RABGAP1L: variants seen among roughly 807,000 people sequenced by gnomAD.
RABGAP1L encodes rab GTPase-activating protein 1-like.
In RABGAP1L, 63 loss-of-function variants were observed where a neutral mutation model predicts 137.7. The observed-to-expected ratio is 0.46, with a 90% CI of 0.37 to 0.56. The LOEUF is 0.56. Ranked by LOEUF, RABGAP1L falls within the 20% of genes least tolerant of loss-of-function variation. The pLI is 0.00. For synonymous variants in RABGAP1L, 431 were observed against 433.7 expected (o/e 0.99, Z 0.08); for missense variants, 1,095 against 1,244.0 (o/e 0.88, Z 1.80).
intron 13 of RABGAP1L, among the ~76,000 whole-genome samples, chr1:174,620,531 ACTGCCAGGTACATAACGAAATGAAGG>A (rs1164055877): frequency 2.4e-4 from 37 of 152,262 alleles, no homozygotes; most frequent in African/African-American, 8.7e-4. Context: ...CTCCTGAATG[ACTGCCAGGTACATAACGAAATGAAGG>A]CAGAAATAAA....
intron 13 of RABGAP1L, among the ~76,000 whole-genome samples, chr1:174,444,017 C>T (rs1284870400): frequency 1.3e-5 from 2 of 151,552 alleles, no homozygotes; most frequent in Non-Finnish European, 3.0e-5. Context: ...TCTGGTTTCT[C>T]TGTTCTATTC....
intron 11 of RABGAP1L, among the ~76,000 whole-genome samples, chr1:174,327,294 T>G (rs1003199058): frequency 2.9e-4 from 43 of 146,888 alleles, no homozygotes; most frequent in African/African-American, 1.1e-3. Context: ...AAGATGTAAA[T>G]TATGTATATA....
chr1:174,194,973 T>G (rs550832109), intron 1 of RABGAP1L, among the ~76,000 whole-genome samples: 1 of 152,358 alleles, frequency 6.6e-6, no homozygotes, highest in Non-Finnish European at 1.5e-5. Flanking sequence ...CTTTATAAAC[T>G]AATTTCCCCC....
chr1:174,925,889 G>GTTTTTTTTTTTTTTTTT (rs376200965), intron 19 of RABGAP1L, among the ~76,000 whole-genome samples: 1 of 108,086 alleles, frequency 9.3e-6, no homozygotes, highest in Non-Finnish European at 2.0e-5. Context: ...TTTTTTTTGT[G>GTTTTTTTTTTTTTTTTT]TTTTTTTTTT....
intron 17 of RABGAP1L, among the ~76,000 whole-genome samples, chr1:174,748,333 C>G (rs1311059320): frequency 6.6e-6 from 1 of 152,192 alleles, no homozygotes; most frequent in East Asian, 1.9e-4. Context: ...TAAGCATTTA[C>G]TATGCACATT....
chr1:174,688,681 A>G (rs1305788366), intron 15 of RABGAP1L, among the ~76,000 whole-genome samples: 3 of 152,126 alleles, frequency 2.0e-5, no homozygotes, highest in Non-Finnish European at 2.9e-5. Flanking sequence ...AAAATGTCCA[A>G]TATTAGAATT....
At chr1:174,854,467 A>G (rs1464349475) in intron 19 of RABGAP1L, among the ~76,000 whole-genome samples, 4 of 152,102 alleles carry the variant, frequency 2.6e-5, no homozygotes, top group Non-Finnish European at 5.9e-5. Context: ...TTTAGAAACC[A>G]TATAAATTAC....
chr1:174,770,067 A>G (rs1212170700), intron 18 of RABGAP1L, among the ~76,000 whole-genome samples: 1 of 152,076 alleles, frequency 6.6e-6, no homozygotes, highest in Non-Finnish European at 1.5e-5. Flanking sequence ...GAATGAAACA[A>G]CTCATAAACT....
rs756566512 is a variant in RABGAP1L at position 174,993,797 on chromosome 1, GATTAT to G, written c.*3804_*3808del. The G allele has an allele frequency of 6.6e-6, 1 of 152,176 alleles. No individual in the cohort carries two copies. The highest frequency in any genetic ancestry group is 2.4e-5 in the African/African-American group (1 of 41,440). 9.4% of individuals were successfully genotyped at this position (152,176 alleles called of 1,614,324 possible). On this transcript the variant is annotated 3_prime_UTR_variant, in exon 26 of 26. Transcript: ENST00000681986. ...AACACTTTTACTTGATTAGCAAGAT[GATTAT>G]ATTATATAACTTGCCCTTAAAAACA...
chr1:174,421,774 T>C (rs921545549), intron 13 of RABGAP1L, among the ~76,000 whole-genome samples: 1 of 152,194 alleles, frequency 6.6e-6, no homozygotes, highest in East Asian at 1.9e-4. Flanking sequence ...TTGTTTTGTG[T>C]GTTTTTGTTT....
rs56849382 is a variant in RABGAP1L at position 174,967,944 on chromosome 1, A to AT, written c.2434-1333_2434-1332insT. Among the ~76,000 whole-genome samples, 428 of 147,278 alleles carry AT rather than the reference A, an allele frequency of 2.9e-3. 2 individuals are homozygous for AT. Among genetic ancestry groups the AT allele is most frequent in the Non-Finnish European group, 4.5e-3 (299 of 66,690 alleles). Reference sequence around the variant, plus strand: ...TATTTTTTTCCAAAAAAAAAAAAAAAGACAGAAATGGGCCCTGGTGGCTGG... The same window carrying AT: ...TATTTTTTTCCAAAAAAAAAAAAAAATGACAGAAATGGGCCCTGGTGGCTGG... On this transcript the variant is annotated intron_variant, in intron 20 of 25. Coordinates refer to ENST00000681986, the MANE Select transcript of RABGAP1L (RefSeq NM_001366446.1).
In RABGAP1L at chr1:174,905,361, A is replaced by G. The variant is rs1015030833; in HGVS notation, c.2341-52096A>G. Among the ~76,000 whole-genome samples the G allele has an allele frequency of 1.2e-4, 19 of 152,218 alleles. 1 individual carries two copies. The highest frequency in any genetic ancestry group is 4.4e-5 in the Non-Finnish European group (3 of 68,042). ...GCAATTTTAAGGAAACTCAGTGATC[A>G]CCATCATAACAAAGAAGAGCAATTC... On this transcript the variant is annotated intron_variant, in intron 19 of 25. Transcript: ENST00000681986.
rs569843027 is a variant in RABGAP1L, at chr1:174,170,640, A to ACT, written c.-34+10985_-34+10986dup. ...CAGTGAGCCGAGATTGCGCCACTGC[A>ACT]CTCCAGCCTGGACAGAGTGAGACGC... On this transcript the variant is annotated intron_variant, in intron 1 of 25. Transcript: ENST00000681986. Among the ~76,000 whole-genome samples, 41 of 143,212 alleles carry ACT rather than the reference A, an allele frequency of 2.9e-4. No individual in the cohort carries two copies. The East Asian group carries it at 7.7e-3, about 27-fold the overall frequency. 94.0% of individuals were successfully genotyped at this position (143,212 alleles called of 152,430 possible).
intron 18 of RABGAP1L, among the ~76,000 whole-genome samples, chr1:174,765,065 G>A (rs1039615337): frequency 8.5e-5 from 13 of 152,108 alleles, no homozygotes; most frequent in African/African-American, 2.2e-4. Flanking sequence ...TCATCTGTCC[G>A]TGTTTGACCA....
chr1:174,847,481 T>G (rs1218108351), intron 19 of RABGAP1L, among the ~76,000 whole-genome samples: 2 of 150,678 alleles, frequency 1.3e-5, no homozygotes, highest in East Asian at 2.0e-4. Flanking sequence ...TCTCCTTCAC[T>G]TTTGAAGCTT....
intron 19 of RABGAP1L, among the ~76,000 whole-genome samples, chr1:174,930,330 C>A (rs1663584252): frequency 7.2e-6 from 1 of 139,478 alleles, no homozygotes; most frequent in African/African-American, 2.6e-5. Flanking sequence ...GATCAAACTT[C>A]TTTTTTTTTT....
intron 1 of RABGAP1L, among the ~76,000 whole-genome samples, chr1:174,215,120 A>C (rs1571585388): frequency 6.6e-6 from 1 of 152,222 alleles, no homozygotes; most frequent in East Asian, 1.9e-4. Flanking sequence ...AGAATATATA[A>C]GGAGCGCAAA....
intron 1 of RABGAP1L, among the ~76,000 whole-genome samples, chr1:174,189,273 A>G (rs1667036261): frequency 1.3e-5 from 2 of 152,154 alleles, no homozygotes; most frequent in Non-Finnish European, 2.9e-5. Context: ...CCAAAGCACT[A>G]GGATTACAGG....
intron 8 of RABGAP1L, among the ~76,000 whole-genome samples, 169 bp downstream of exon 8, chr1:174,272,649 G>A (rs1305904165): frequency 6.6e-6 from 1 of 151,946 alleles, no homozygotes; most frequent in Non-Finnish European, 1.5e-5. Context: ...TGTGAAAGAG[G>A]AATTCAGGAC....
Sources: allele counts gnomAD v4.1 joint callset (sites outside exome capture counted in the v4.1 genomes callset), GRCh38; gene constraint gnomAD v4.1.1; transcripts MANE v1.5; gene names NCBI Gene and HGNC (gene_info 2026-07-23, HGNC 2026-07-21).